Variants in RERG observed in about 807,000 individuals in gnomAD.
RERG encodes the protein RAS like estrogen regulated growth inhibitor.
Under a neutral mutation model 23.2 loss-of-function variants are expected in RERG, and 25 were observed. That is an observed-to-expected ratio of 1.08 (90% confidence interval 0.79 to 1.50). RERG has a LOEUF of 1.50. RERG is among the 40% of genes most tolerant of loss of function. RERG has a pLI of 0.00. For synonymous variants in RERG, 81 were observed against 89.1 expected (o/e 0.91, Z 0.51); for missense variants, 253 against 250.1 (o/e 1.01, Z -0.08).
At chr12:15,147,196 A>T (rs1380987679) in intron 2 of RERG, among the ~76,000 whole-genome samples, 1 of 152,234 alleles carries the variant, frequency 6.6e-6, no homozygotes, top group Non-Finnish European at 1.5e-5. Context: ...ACTGATAATT[A>T]TACTGGTGAC....
chr12:15,187,921 C>T (rs1003046317), intron 2 of RERG, among the ~76,000 whole-genome samples: 1 of 151,936 alleles, frequency 6.6e-6, no homozygotes. Context: ...TATGAGACTA[C>T]ATATTGTTCT....
chr12:15,138,034 A>G (rs1864174137), intron 2 of RERG: 6 of 307,396 alleles, frequency 2.0e-5, no homozygotes, highest in South Asian at 1.8e-4. Context: ...TTCAGGGTAT[A>G]GAATTCTAGG....
chr12:15,110,688 C>T (rs1863597546), intron 4 of RERG, among the ~76,000 whole-genome samples: 1 of 151,866 alleles, frequency 6.6e-6, no homozygotes, highest in African/African-American at 2.4e-5. Flanking sequence ...CCATGTTAGC[C>T]AGGATGGTCT....
At chr12:15,184,899 T>C (rs986590725) in intron 2 of RERG, among the ~76,000 whole-genome samples, 3 of 152,200 alleles carry the variant, frequency 2.0e-5, no homozygotes, top group Non-Finnish European at 4.4e-5. Context: ...AAGGACATTC[T>C]ATTTTCCTGT....
chr12:15,217,014 T>G (rs1865448787), intron 2 of RERG: 1 of 154,846 alleles, frequency 6.5e-6, no homozygotes. Context: ...TTAAGCATTT[T>G]TAAAGCACCT....
intron 2 of RERG, among the ~76,000 whole-genome samples, chr12:15,189,900 C>G (rs764500451): frequency 6.6e-5 from 10 of 152,222 alleles, no homozygotes; most frequent in African/African-American, 2.4e-4. Context: ...GGGAGCTTGA[C>G]GTTAAGAAAC....
At chr12:15,158,042 T>A (rs1011640858) in intron 2 of RERG, among the ~76,000 whole-genome samples, 1 of 152,168 alleles carries the variant, frequency 6.6e-6, no homozygotes, top group Admixed American at 6.5e-5. Flanking sequence ...TATCTATACT[T>A]CATAATAAAT....
intron 2 of RERG, among the ~76,000 whole-genome samples, chr12:15,215,207 A>G (rs1843371998): frequency 6.6e-6 from 1 of 152,216 alleles, no homozygotes; most frequent in Non-Finnish European, 1.5e-5. Flanking sequence ...CATTTTACAT[A>G]AAATAAAATT....
At chr12:15,158,331 G>A (rs116250753) in intron 2 of RERG, among the ~76,000 whole-genome samples, 56 of 151,960 alleles carry the variant, frequency 3.7e-4, no homozygotes, top group Admixed American at 3.1e-3. Flanking sequence ...ATCCAGGCTG[G>A]AACACAGTGT....
intron 2 of RERG, among the ~76,000 whole-genome samples, chr12:15,127,545 C>T (rs889510778): frequency 6.6e-6 from 1 of 152,154 alleles, no homozygotes; most frequent in Non-Finnish European, 1.5e-5. Flanking sequence ...GGAATTGCTA[C>T]CCCTGACCTC....
chr12:15,195,737 C>T (rs909142703), intron 2 of RERG, among the ~76,000 whole-genome samples: 1 of 152,046 alleles, frequency 6.6e-6, no homozygotes, highest in South Asian at 2.1e-4. Flanking sequence ...CTGAGACATG[C>T]AGATACCTAG....
At chr12:15,213,812 T>A (rs1865401549) in intron 2 of RERG, among the ~76,000 whole-genome samples, 1 of 152,228 alleles carries the variant, frequency 6.6e-6, no homozygotes, top group African/African-American at 2.4e-5. Flanking sequence ...TAGGAAGCCA[T>A]CTGCCACATA....
chr12:15,108,972 A>AT lies in RERG; in HGVS notation c.*137dup, dbSNP rs1863548066. 1.1e-6 allele frequency: 1 copy of AT among 887,042 alleles called. No individual in the cohort carries two copies. The highest frequency in any genetic ancestry group is 1.7e-5 in the African/African-American group (1 of 59,848). 54.9% of individuals were successfully genotyped at this position (887,042 alleles called of 1,614,324 possible). On this transcript the variant is annotated 3_prime_UTR_variant, in exon 5 of 5. Coordinates refer to ENST00000256953, the MANE Select transcript of RERG (RefSeq NM_032918.3). ...AAAACACGCTAAAACTTCCCAACCTATTAGAGGCCAGAAACAATGGGAAGC... is the reference window on the plus strand; with the variant it reads ...AAAACACGCTAAAACTTCCCAACCTATTTAGAGGCCAGAAACAATGGGAAGC...
chr12:15,154,605 C>G (rs1395763383), intron 2 of RERG, among the ~76,000 whole-genome samples: 1 of 152,172 alleles, frequency 6.6e-6, no homozygotes, highest in Non-Finnish European at 1.5e-5. Context: ...TTATAGGCAG[C>G]AACCATGGAC....
At chr12:15,123,339 C>T in intron 2 of RERG, among the ~76,000 whole-genome samples, 1 of 151,722 alleles carries the variant, frequency 6.6e-6, no homozygotes, top group East Asian at 1.9e-4. Context: ...AGTTAAGAAC[C>T]TTGGTTAGTG....
chr12:15,122,065 T>TA (rs950210194), intron 2 of RERG, among the ~76,000 whole-genome samples: 5 of 151,972 alleles, frequency 3.3e-5, no homozygotes, highest in African/African-American at 1.2e-4. Flanking sequence ...CACAGGCACT[T>TA]AAAAAATGGA....
intron 4 of RERG, among the ~76,000 whole-genome samples, chr12:15,110,458 T>A (rs981198066): frequency 1.5e-5 from 2 of 132,304 alleles, no homozygotes; most frequent in Non-Finnish European, 3.2e-5. Context: ...AGTGGCCATT[T>A]TTTTCTTTTT....
At position 15,124,471 on chromosome 12, in the gene RERG, A is replaced by T. The variant is rs181709152; in HGVS notation, c.62-3352T>A. 1.3e-3 allele frequency among the ~76,000 whole-genome samples: 200 copies of T among 152,268 alleles called. 1 individual carries two copies. Among genetic ancestry groups the T allele is most frequent in the Non-Finnish European group, 2.4e-3 (160 of 67,948 alleles). On this transcript the variant is annotated intron_variant, in intron 2 of 4. Transcript: ENST00000256953. ...AGTCATATTCAAGAGAGATTCAGGC[A>T]AAACTTTCAAATGCTACCTTTCAGT...
chr12:15,160,705 G>C (rs773872682), intron 2 of RERG, among the ~76,000 whole-genome samples: 4 of 152,196 alleles, frequency 2.6e-5, no homozygotes, highest in Admixed American at 6.5e-5. Flanking sequence ...TACACAGAAT[G>C]CTGGAAGTCA....
Sources: allele counts gnomAD v4.1 joint callset (sites outside exome capture counted in the v4.1 genomes callset), GRCh38; gene constraint gnomAD v4.1.1; transcripts MANE v1.5; gene names NCBI Gene and HGNC (gene_info 2026-07-23, HGNC 2026-07-21).